Variants in MYO16 observed in about 807,000 individuals in gnomAD.
MYO16 encodes the protein myosin XVI, also known as unconventional myosin-XVI.
A neutral mutation model predicts 205.3 loss-of-function variants in MYO16; 94 were observed. The ratio of observed to expected loss-of-function variants is 0.46; its 90% confidence interval spans 0.39 to 0.54. The LOEUF (loss-of-function observed/expected upper bound fraction) is 0.54. Ranked by LOEUF, MYO16 falls within the 20% of genes least tolerant of loss-of-function variation. The pLI, the probability that MYO16 is intolerant of heterozygous loss-of-function variation, is 0.00. For missense variants in MYO16, 2,315 were observed against 2,387.5 expected (o/e 0.97, Z 0.63); for synonymous variants, 988 against 954.0 (o/e 1.04, Z -0.66).
intron 3 of MYO16, among the ~76,000 whole-genome samples, chr13:108,725,999 T>C (rs954308438): frequency 6.6e-6 from 1 of 152,188 alleles, no homozygotes; most frequent in African/African-American, 2.4e-5. Flanking sequence ...ATCTGGTCTC[T>C]GTTACAGGGA....
At chr13:108,639,216 G>A (rs978022894) in intron 1 of MYO16, among the ~76,000 whole-genome samples, 1 of 152,158 alleles carries the variant, frequency 6.6e-6, no homozygotes, top group Non-Finnish European at 1.5e-5. Context: ...AATAGCCCAG[G>A]TGACAGCTTA....
At chr13:108,673,928 A>G (rs566490623) in intron 2 of MYO16, among the ~76,000 whole-genome samples, 6 of 152,280 alleles carry the variant, frequency 3.9e-5, no homozygotes, top group African/African-American at 1.2e-4. Flanking sequence ...CCTTGAAGTC[A>G]CTTTGATTTT....
chr13:109,127,200 G>A lies in MYO16; in HGVS notation c.3783-82G>A, dbSNP rs1454287092. On this transcript the variant is annotated intron_variant, in intron 30 of 34. Coordinates refer to ENST00000457511, the MANE Select transcript of MYO16 (RefSeq NM_001198950.3). The surrounding 1 kb of genome is among the most constrained non-coding windows in gnomAD (Gnocchi z 4.2). ...TTGCCAAAAAGCCGTCATTATGTCT[G>A]CTTGAGCAGGTTCCTTGTTACCGGA... 1.4e-6 allele frequency: 2 copies of A among 1,465,072 alleles called. No individual in the cohort carries two copies. Among genetic ancestry groups the A allele is most frequent in the Non-Finnish European group, 1.8e-6 (2 of 1,103,892 alleles). 90.8% of individuals were successfully genotyped at this position (1,465,072 alleles called of 1,614,324 possible).
chr13:108,554,650 C>A, the MYO16 span, among the ~76,000 whole-genome samples: 2 of 151,982 alleles, frequency 1.3e-5, no homozygotes, highest in South Asian at 2.1e-4. Flanking sequence ...GAGATCAAGA[C>A]CATCCTGGCT....
chr13:108,727,091 ACT>A (rs1255597846), intron 3 of MYO16, among the ~76,000 whole-genome samples: 1 of 150,890 alleles, frequency 6.6e-6, no homozygotes, highest in Non-Finnish European at 1.5e-5. Flanking sequence ...ATTATGATCA[ACT>A]CTGTATTTTT....
intron 3 of MYO16, among the ~76,000 whole-genome samples, chr13:108,723,698 C>T (rs781253281): frequency 1.3e-4 from 20 of 152,098 alleles, no homozygotes; most frequent in Non-Finnish European, 2.6e-4. Context: ...TATGCCAACA[C>T]CACACTGCTT....
intron 16 of MYO16, among the ~76,000 whole-genome samples, chr13:108,919,753 G>A (rs1370710517): frequency 6.6e-6 from 1 of 152,118 alleles, no homozygotes; most frequent in African/African-American, 2.4e-5. Context: ...AAGGCATGTT[G>A]GTCTACGTCC....
chr13:108,547,899 A>C, the MYO16 span, among the ~76,000 whole-genome samples: 1 of 152,118 alleles, frequency 6.6e-6, no homozygotes, highest in African/African-American at 2.4e-5. Context: ...CCTTCCCTCT[A>C]GTTAAGATAC....
intron 27 of MYO16, among the ~76,000 whole-genome samples, chr13:109,070,080 A>G (rs1330819794): frequency 6.6e-6 from 1 of 152,184 alleles, no homozygotes; most frequent in Non-Finnish European, 1.5e-5. Context: ...GGCTAAAGAC[A>G]ATGGTGATTT....
At chr13:108,795,907 A>G (rs1037914980) in intron 6 of MYO16, among the ~76,000 whole-genome samples, 2 of 152,218 alleles carry the variant, frequency 1.3e-5, no homozygotes, top group African/African-American at 2.4e-5. Context: ...CTAACCAACA[A>G]GGGTGTTTTG....
rs560292186 is a variant in MYO16 at position 108,719,490 on chromosome 13, G to A, written c.363+6759G>A. On this transcript the variant is annotated intron_variant, in intron 3 of 34. Coordinates refer to ENST00000457511, the MANE Select transcript of MYO16 (RefSeq NM_001198950.3). ...CCGAGACGGGCCAGCAGCTCACCAC[G>A]GTCCCATCTCAGCTTTCTGCCTGCG... is the stretch of plus-strand genomic sequence containing the variant. Among the ~76,000 whole-genome samples the A allele has an allele frequency of 1.3e-4, 20 of 151,636 alleles. No individual in the cohort carries two copies. In the South Asian group the frequency reaches 3.6e-3, roughly 27 times the overall value.
At chr13:108,937,456 T>C (rs1187637729) in intron 16 of MYO16, among the ~76,000 whole-genome samples, 5 of 152,228 alleles carry the variant, frequency 3.3e-5, no homozygotes, top group African/African-American at 9.6e-5. Context: ...CCTTCAAATA[T>C]ATTTTTCGAC....
chr13:108,496,518 G>C, the MYO16 span, among the ~76,000 whole-genome samples: 1 of 152,156 alleles, frequency 6.6e-6, no homozygotes, highest in Non-Finnish European at 1.5e-5. Flanking sequence ...CTCAGAGGCC[G>C]GCGGCCAAGT....
chr13:108,671,138 T>C (rs1881970585), intron 2 of MYO16, among the ~76,000 whole-genome samples: 1 of 152,194 alleles, frequency 6.6e-6, no homozygotes, highest in Non-Finnish European at 1.5e-5. Flanking sequence ...AATTGCTCTT[T>C]TGTGTGTTTC....
chr13:108,539,743 T>G, the MYO16 span, among the ~76,000 whole-genome samples: 1 of 152,100 alleles, frequency 6.6e-6, no homozygotes, highest in African/African-American at 2.4e-5. Flanking sequence ...TGAGAGATAA[T>G]CAATTTCTGA....
intron 10 of MYO16, among the ~76,000 whole-genome samples, chr13:108,846,067 T>TG (rs2139076786): frequency 6.6e-6 from 1 of 152,306 alleles, no homozygotes; most frequent in South Asian, 2.1e-4. Flanking sequence ...CAAGTGTTTC[T>TG]GAGCCATATA....
At chr13:109,163,319 G>A (rs1184186349) in intron 32 of MYO16, among the ~76,000 whole-genome samples, 2 of 152,176 alleles carry the variant, frequency 1.3e-5, no homozygotes, top group Non-Finnish European at 1.5e-5. Context: ...GGAGAATTTG[G>A]ATAAACATGC....
At chr13:108,608,629 C>G (rs948412078) in intron 1 of MYO16, among the ~76,000 whole-genome samples, 2 of 142,462 alleles carry the variant, frequency 1.4e-5, no homozygotes, top group African/African-American at 5.2e-5. Flanking sequence ...AAACAAATAT[C>G]TGAACCCACT....
At chr13:108,920,536 G>A (rs1881698681) in intron 16 of MYO16, among the ~76,000 whole-genome samples, 1 of 152,054 alleles carries the variant, frequency 6.6e-6, no homozygotes, top group South Asian at 2.1e-4. Context: ...TCAGCTCACT[G>A]CAATCTCCAC....
Sources: gnomAD v4.1 joint callset for allele counts (sites outside exome capture counted in the v4.1 genomes callset) on GRCh38, gnomAD v4.1.1 for gene constraint, Gnocchi (gnomAD v3.1) non-coding constraint, MANE v1.5 for transcripts, NCBI Gene and HGNC (gene_info 2026-07-23, HGNC 2026-07-21) for gene names.